The following ADAM18 variants were observed in gnomAD, a reference collection of about 807,000 sequenced individuals.
The protein encoded by ADAM18 is disintegrin and metalloproteinase domain-containing protein 18.
ADAM18 carries 117 observed loss-of-function variants against 94.4 expected under a neutral mutation model. That is an observed-to-expected ratio of 1.24 (90% confidence interval 1.07 to 1.45). The LOEUF is 1.45. Among genes scored for constraint, ADAM18 ranks in the 40% most tolerant of loss-of-function variants. The pLI, the probability that ADAM18 is intolerant of heterozygous loss-of-function variation, is 0.00. For synonymous variants in ADAM18, 327 were observed against 291.6 expected (o/e 1.12, Z -1.24); for missense variants, 936 against 880.0 (o/e 1.06, Z -0.81).
intron 2 of ADAM18, among the ~76,000 whole-genome samples, chr8:39,601,821 A>G (rs1818914119): frequency 6.6e-6 from 1 of 152,130 alleles, no homozygotes; most frequent in Non-Finnish European, 1.5e-5. Context: ...TTAAATACTA[A>G]TTTCCTTGAT....
At chr8:39,647,483 G>C (rs1185437088) in intron 11 of ADAM18, among the ~76,000 whole-genome samples, 2 of 152,112 alleles carry the variant, frequency 1.3e-5, no homozygotes, top group Non-Finnish European at 2.9e-5. Flanking sequence ...TCAGTTCCCA[G>C]GGGCAGGCAG....
chr8:39,656,313 A>G (rs1199736235), intron 12 of ADAM18, among the ~76,000 whole-genome samples: 1 of 152,126 alleles, frequency 6.6e-6, no homozygotes, highest in Non-Finnish European at 1.5e-5. Flanking sequence ...ATGAAACAGA[A>G]TGGAATCTAG....
intron 2 of ADAM18, among the ~76,000 whole-genome samples, chr8:39,590,231 T>C (rs1585872517): frequency 6.6e-6 from 1 of 151,916 alleles, no homozygotes; most frequent in South Asian, 2.1e-4. Context: ...GTGGCACATA[T>C]ACACCATGGA....
At chr8:39,704,182 A>G (rs1822163059) in intron 17 of ADAM18, among the ~76,000 whole-genome samples, 1 of 152,180 alleles carries the variant, frequency 6.6e-6, no homozygotes, top group Non-Finnish European at 1.5e-5. Context: ...AAAATTGGAA[A>G]GGAACCCCTC....
At chr8:39,633,503 G>A (rs978722040) in intron 7 of ADAM18, among the ~76,000 whole-genome samples, 3 of 152,238 alleles carry the variant, frequency 2.0e-5, no homozygotes, top group East Asian at 1.9e-4. Flanking sequence ...AATATGGACA[G>A]TAAAGGCTGT....
At chr8:39,586,110 T>G (rs1393774938) in intron 2 of ADAM18, among the ~76,000 whole-genome samples, 1 of 152,188 alleles carries the variant, frequency 6.6e-6, no homozygotes, top group Non-Finnish European at 1.5e-5. Context: ...AGGAAAAGAT[T>G]AATCTATTAA....
At chr8:39,723,502 C>A (rs1822815706) in intron 18 of ADAM18, among the ~76,000 whole-genome samples, 1 of 151,460 alleles carries the variant, frequency 6.6e-6, no homozygotes, top group Non-Finnish European at 1.5e-5. Flanking sequence ...TACAAATAAG[C>A]TGAATGCAGC....
intron 16 of ADAM18, among the ~76,000 whole-genome samples, chr8:39,687,819 T>G (rs1011623041): frequency 2.6e-5 from 4 of 152,236 alleles, no homozygotes; most frequent in African/African-American, 9.6e-5. Flanking sequence ...TTTGTGTGAC[T>G]GCATAGTATT....
At chr8:39,654,828 T>C (rs1055225347) in intron 12 of ADAM18, among the ~76,000 whole-genome samples, 5 of 152,200 alleles carry the variant, frequency 3.3e-5, no homozygotes, top group Admixed American at 1.3e-4. Flanking sequence ...TCTGTTGTCA[T>C]TTGAATGTCT....
intron 2 of ADAM18, among the ~76,000 whole-genome samples, chr8:39,599,290 T>C (rs1818834151): frequency 6.6e-6 from 1 of 152,208 alleles, no homozygotes; most frequent in Non-Finnish European, 1.5e-5. Flanking sequence ...GTAAATAGTT[T>C]TTATAATGTA....
At chr8:39,710,055 G>T (rs915608334) in intron 18 of ADAM18, among the ~76,000 whole-genome samples, 1 of 152,152 alleles carries the variant, frequency 6.6e-6, no homozygotes. Flanking sequence ...TTAGTTTATA[G>T]GTTGTTTAGC....
At chr8:39,688,474 A>C (rs1436411814) in intron 16 of ADAM18, among the ~76,000 whole-genome samples, 1 of 152,234 alleles carries the variant, frequency 6.6e-6, no homozygotes, top group Non-Finnish European at 1.5e-5. Context: ...TGTAAGTGAG[A>C]ACATGCAGTA....
chr8:39,639,915 T>C (rs1820189661), intron 10 of ADAM18, among the ~76,000 whole-genome samples: 2 of 152,056 alleles, frequency 1.3e-5, no homozygotes, highest in African/African-American at 4.8e-5. Context: ...TATCCCTCTT[T>C]CATATTTTGC....
At chr8:39,645,085 C>T (rs1269865645) in intron 10 of ADAM18, among the ~76,000 whole-genome samples, 3 of 151,982 alleles carry the variant, frequency 2.0e-5, no homozygotes, top group African/African-American at 7.3e-5. Flanking sequence ...TCAGAAATAC[C>T]ACCTGTTCAA....
At chr8:39,639,355 G>T (rs1820173267) in intron 10 of ADAM18, among the ~76,000 whole-genome samples, 1 of 151,938 alleles carries the variant, frequency 6.6e-6, no homozygotes, top group Non-Finnish European at 1.5e-5. Context: ...GCAGAACACA[G>T]TGTGTATTCT....
intron 7 of ADAM18, among the ~76,000 whole-genome samples, chr8:39,629,758 A>G (rs1819881127): frequency 6.6e-6 from 1 of 151,660 alleles, no homozygotes; most frequent in South Asian, 2.1e-4. Flanking sequence ...TTTTAAAGAC[A>G]TAATACAATT....
At chr8:39,644,900 C>T (rs1288912094) in intron 10 of ADAM18, among the ~76,000 whole-genome samples, 4 of 152,036 alleles carry the variant, frequency 2.6e-5, no homozygotes. Context: ...TTACTGTTGT[C>T]TTTCTCTCTT....
chr8:39,617,112 T>C (rs1329632945), intron 6 of ADAM18, among the ~76,000 whole-genome samples: 1 of 151,926 alleles, frequency 6.6e-6, no homozygotes, highest in African/African-American at 2.4e-5. Context: ...ATTCACAAAG[T>C]ATGAATCCAG....
rs569646717 is a variant in ADAM18 at position 39,723,432 on chromosome 8, A to T, written c.2018-316A>T. On this transcript the variant is annotated intron_variant, in intron 18 of 19. Coordinates refer to ENST00000265707, the MANE Select transcript of ADAM18 (RefSeq NM_014237.3). ...GTGGGATGGTGGTTTCTCAAAGTAT[A>T]CATTTTTTAAAATTGTAACTTAATC... Among the ~76,000 whole-genome samples, 3 of 151,774 alleles carry T rather than the reference A, an allele frequency of 2.0e-5. No homozygotes were observed. In the South Asian group the frequency reaches 6.2e-4, roughly 31 times the overall value.
Sources: gnomAD v4.1 joint callset for allele counts (sites outside exome capture counted in the v4.1 genomes callset) on GRCh38, gnomAD v4.1.1 for gene constraint, MANE v1.5 for transcripts, NCBI Gene and HGNC (gene_info 2026-07-23, HGNC 2026-07-21) for gene names.